The following SCML4 variants were observed in gnomAD, a reference collection of about 807,000 sequenced individuals.
SCML4 encodes Scm polycomb group protein like 4.
In SCML4, 34 loss-of-function variants were observed where a neutral mutation model predicts 41.1. The ratio of observed to expected loss-of-function variants is 0.83; its 90% confidence interval spans 0.63 to 1.10. The LOEUF (loss-of-function observed/expected upper bound fraction) is 1.10. SCML4 is among the 50% of genes least tolerant of loss of function. The pLI, the probability that SCML4 is intolerant of heterozygous loss-of-function variation, is 0.00. For missense variants in SCML4, 522 were observed against 534.1 expected (o/e 0.98, Z 0.22); for synonymous variants, 214 against 220.9 (o/e 0.97, Z 0.28).
intron 2 of SCML4, among the ~76,000 whole-genome samples, chr6:107,751,958 A>G (rs955880440): frequency 1.3e-5 from 2 of 152,158 alleles, no homozygotes; most frequent in Non-Finnish European, 2.9e-5. Context: ...TATGGTATTG[A>G]GAAAAGACTG....
chr6:107,814,325 G>T (rs759110157), intron 1 of SCML4, among the ~76,000 whole-genome samples: 8 of 152,200 alleles, frequency 5.3e-5, no homozygotes, highest in Admixed American at 1.3e-4. Flanking sequence ...GAGTTTTAGA[G>T]TCAGACACAC....
chr6:107,705,202 A>G lies in SCML4; in HGVS notation c.1243T>C (p.Ter415ArgextTer3). 1.9e-6 allele frequency: 3 copies of G among 1,551,600 alleles called. No individual in the cohort carries two copies. Among genetic ancestry groups the G allele is most frequent in the Non-Finnish European group, 2.6e-6 (3 of 1,146,898 alleles). ...HIDKLKQAKF[*>R] ...TCGCTTCTGTCTTTTTAAAAAAGTCAGAACTTGGCTTGCTTCAGTTTGTCA... is the reference window on the plus strand; with the variant it reads ...TCGCTTCTGTCTTTTTAAAAAAGTCGGAACTTGGCTTGCTTCAGTTTGTCA... Residue 415 changes from the stop codon to arginine, a stop_lost, in exon 8 of 8, where the codon TGA becomes CGA. Coordinates refer to ENST00000369020, the MANE Select transcript of SCML4 (RefSeq NM_198081.5).
At chr6:107,717,143 C>CAAAAAAA (rs546258538) in intron 6 of SCML4, among the ~76,000 whole-genome samples, 7 of 63,536 alleles carry the variant, frequency 1.1e-4, no homozygotes, top group African/African-American at 5.5e-4. Flanking sequence ...ACTAAAAATA[C>CAAAAAAA]AAAAAAAAAA....
chr6:107,789,611 A>T (rs1411868582), intron 1 of SCML4, among the ~76,000 whole-genome samples: 2 of 152,240 alleles, frequency 1.3e-5, no homozygotes, highest in African/African-American at 4.8e-5. Flanking sequence ...CCAGACAAAG[A>T]CAGTGGCCAA....
intron 7 of SCML4, among the ~76,000 whole-genome samples, 197 bp from the exon 8 acceptor site, chr6:107,705,522 C>G (rs2114325471): frequency 6.6e-6 from 1 of 152,308 alleles, no homozygotes; most frequent in African/African-American, 2.4e-5. Flanking sequence ...TCCCCATCAT[C>G]TCCCTGGAGT....
At chr6:107,740,727 T>A (rs906625862) in intron 5 of SCML4, among the ~76,000 whole-genome samples, 1 of 151,810 alleles carries the variant, frequency 6.6e-6, no homozygotes, top group Non-Finnish European at 1.5e-5. Flanking sequence ...TAGAGAAGAG[T>A]TGCATTTGTC....
At chr6:107,788,440 T>C (rs1782068978) in intron 1 of SCML4, among the ~76,000 whole-genome samples, 1 of 152,246 alleles carries the variant, frequency 6.6e-6, no homozygotes, top group South Asian at 2.1e-4. Flanking sequence ...TTTGTTCTCT[T>C]TGTAGAGAAC....
intron 2 of SCML4, among the ~76,000 whole-genome samples, chr6:107,758,854 GT>G (rs1196092381): frequency 6.6e-6 from 1 of 152,162 alleles, no homozygotes; most frequent in African/African-American, 2.4e-5. Flanking sequence ...GTAGTTCTTT[GT>G]TACAGCAGCC....
At chr6:107,743,512 ATGTT>A (rs760737237) in intron 5 of SCML4, among the ~76,000 whole-genome samples, 2 of 152,262 alleles carry the variant, frequency 1.3e-5, no homozygotes, top group Non-Finnish European at 2.9e-5. Context: ...GTTTAAGAAT[ATGTT>A]TGTGAGTCAA....
intron 5 of SCML4, among the ~76,000 whole-genome samples, chr6:107,722,729 A>G (rs939831694): frequency 6.6e-6 from 1 of 152,216 alleles, no homozygotes; most frequent in Non-Finnish European, 1.5e-5. Flanking sequence ...AGATCTTCTC[A>G]TAGTTGGGGA....
chr6:107,802,580 G>GAGGA lies in SCML4; in HGVS notation c.-60+21542_-60+21545dup, dbSNP rs1163058698. ...AGAGCATTGGCTCGAGGGAGGGAGG[G>GAGGA]AGGAAGGAAGGAAGGAAGGAAGGAA... On this transcript the variant is annotated intron_variant, in intron 1 of 7. Coordinates refer to ENST00000369020, the MANE Select transcript of SCML4 (RefSeq NM_198081.5). Among the ~76,000 whole-genome samples the GAGGA allele has an allele frequency of 9.7e-3, 354 of 36,436 alleles. 8 individuals carry two copies. The highest frequency in any genetic ancestry group is 0.036 in the Middle Eastern group (2 of 56). The allele number at this position is 36,436 out of a possible 152,430, so 23.9% of individuals were successfully genotyped here.
chr6:107,806,193 C>CA (rs11403226), intron 1 of SCML4, among the ~76,000 whole-genome samples: 1 of 64,128 alleles, frequency 1.6e-5, no homozygotes, highest in Non-Finnish European at 4.8e-5. Flanking sequence ...ATTTCCCCCC[C>CA]CCCAATAAAC....
At chr6:107,740,215 C>A in intron 5 of SCML4, 1 of 468,720 alleles carries the variant, frequency 2.1e-6, no homozygotes, top group Admixed American at 2.4e-5. Flanking sequence ...AGCTGCAAGA[C>A]AACAGACACC....
At chr6:107,826,895 CT>C (rs1243704864), upstream of SCML4, among the ~76,000 whole-genome samples, 3 of 143,544 alleles carry the variant, frequency 2.1e-5, no homozygotes, top group Non-Finnish European at 4.5e-5. Context: ...AACCCCGTCT[CT>C]ACTAAAAATA....
At chr6:107,716,025 G>A (rs557940395) in intron 6 of SCML4, among the ~76,000 whole-genome samples, 3 of 152,292 alleles carry the variant, frequency 2.0e-5, no homozygotes, top group South Asian at 2.1e-4. Flanking sequence ...CCCACAGCAG[G>A]CACTAGGCTG....
chr6:107,711,924 C>T (rs976969275), intron 6 of SCML4, among the ~76,000 whole-genome samples: 3 of 152,198 alleles, frequency 2.0e-5, no homozygotes, highest in East Asian at 1.9e-4. Context: ...CACATTTCTG[C>T]GTCTGTCCTA....
chr6:107,768,320 T>C (rs1780240862), intron 2 of SCML4, among the ~76,000 whole-genome samples: 1 of 152,132 alleles, frequency 6.6e-6, no homozygotes, highest in Non-Finnish European at 1.5e-5. Context: ...AGAAAGAAAT[T>C]AGCTTCTTTC....
At chr6:107,744,400 A>G (rs2114490636) in intron 5 of SCML4, among the ~76,000 whole-genome samples, 1 of 152,308 alleles carries the variant, frequency 6.6e-6, no homozygotes, top group East Asian at 1.9e-4. Flanking sequence ...TGTGATGAGA[A>G]CGAAACACTA....
At chr6:107,734,147 C>T (rs549889651) in intron 5 of SCML4, among the ~76,000 whole-genome samples, 2 of 152,082 alleles carry the variant, frequency 1.3e-5, no homozygotes, top group African/African-American at 2.4e-5. Context: ...TTTTTTCAGG[C>T]TTTTTATCTC....
Sources: allele counts gnomAD v4.1 joint callset (sites outside exome capture counted in the v4.1 genomes callset), GRCh38; gene constraint gnomAD v4.1.1; transcripts MANE v1.5; gene names NCBI Gene and HGNC (gene_info 2026-07-23, HGNC 2026-07-21).